KIF3C: variants seen among roughly 807,000 people sequenced by gnomAD.
The protein encoded by KIF3C is kinesin-like protein KIF3C.
In KIF3C, 12 loss-of-function variants were observed where a neutral mutation model predicts 67.7. The observed-to-expected ratio is 0.18, with a 90% CI of 0.11 to 0.29. KIF3C has a LOEUF of 0.29. Among genes scored for constraint, KIF3C ranks in the 10% least tolerant of loss-of-function variants. KIF3C has a pLI of 1.00. For missense variants in KIF3C, 789 were observed against 1,059.6 expected, an observed-to-expected ratio of 0.74 and a Z score of 3.55; for synonymous variants, 393 against 426.2, an observed-to-expected ratio of 0.92 and a Z score of 0.96.
chr2:25,974,499 C>A (rs1387488879), intron 1 of KIF3C, among the ~76,000 whole-genome samples: 1 of 152,146 alleles, frequency 6.6e-6, no homozygotes, highest in Non-Finnish European at 1.5e-5. Flanking sequence ...CTGCGCCTGG[C>A]CCTTGTTTAA....
chr2:25,934,177 G>A (rs1258341980), intron 5 of KIF3C: 1 of 470,846 alleles, frequency 2.1e-6, no homozygotes, highest in African/African-American at 2.0e-5. Flanking sequence ...TAAAGCCATA[G>A]AAACAGAAAG....
At chr2:25,932,003 GTT>G (rs775155142) in intron 5 of KIF3C, among the ~76,000 whole-genome samples, 4 of 96,158 alleles carry the variant, frequency 4.2e-5, no homozygotes, top group Admixed American at 3.6e-4. Context: ...CTTCTGTTTT[GTT>G]TTTTTTTTTT....
In KIF3C at chr2:25,932,007, T is replaced by TG. The variant is rs1472525445; in HGVS notation, c.2007-1945_2007-1944insC. ...GTGTGTTGTTTCTTCTGTTTTGTTT[T>TG]TTTTTTTTTTTTTTGGAAACGGAGT... is the stretch of plus-strand genomic sequence containing the variant. On this transcript the variant is annotated intron_variant, in intron 5 of 7. Coordinates refer to ENST00000264712, the MANE Select transcript of KIF3C (RefSeq NM_002254.8). Among the ~76,000 whole-genome samples, 5 of 148,538 alleles carry TG rather than the reference T, an allele frequency of 3.4e-5. No individual in the cohort carries two copies. In the East Asian group the frequency reaches 5.9e-4, roughly 17 times the overall value.
chr2:25,932,318 G>A (rs1283019733), intron 5 of KIF3C, among the ~76,000 whole-genome samples: 1 of 150,576 alleles, frequency 6.6e-6, no homozygotes, highest in Non-Finnish European at 1.5e-5. Context: ...TTAACTTTTA[G>A]TAGAGACAGG....
intron 1 of KIF3C, among the ~76,000 whole-genome samples, chr2:25,963,069 CACAT>C (rs1423900015): frequency 2.3e-5 from 2 of 85,214 alleles, no homozygotes; most frequent in African/African-American, 4.5e-5. Flanking sequence ...TATATATACA[CACAT>C]ACACACACAT....
chr2:25,938,467 C>T (rs1035192515), intron 5 of KIF3C: 3 of 342,316 alleles, frequency 8.8e-6, no homozygotes, highest in Non-Finnish European at 1.7e-5. Flanking sequence ...CTCAGGAGGA[C>T]ACTGGGCCAG....
chr2:25,957,769 C>T (rs1663843861), intron 1 of KIF3C, among the ~76,000 whole-genome samples: 1 of 152,182 alleles, frequency 6.6e-6, no homozygotes, highest in African/African-American at 2.4e-5. Context: ...GGCTTTGTCA[C>T]CCAAAGACGC....
intron 5 of KIF3C, among the ~76,000 whole-genome samples, chr2:25,945,859 C>G (rs1202844756): frequency 1.3e-5 from 2 of 152,176 alleles, no homozygotes; most frequent in African/African-American, 4.8e-5. Flanking sequence ...CCTGTAAATC[C>G]TAGCACTTTG....
intron 5 of KIF3C, among the ~76,000 whole-genome samples, chr2:25,950,890 T>C (rs1336062235): frequency 7.5e-6 from 1 of 132,834 alleles, no homozygotes; most frequent in East Asian, 1.9e-4. Context: ...TAAGCTATAG[T>C]TGTTAAAAAA....
rs537284639 is a variant in KIF3C at position 25,950,949 on chromosome 2, C to G, written c.2006+840G>C. Among the ~76,000 whole-genome samples the G allele has an allele frequency of 6.0e-5, 9 of 150,842 alleles. 1 individual carries two copies. The South Asian group carries it at 1.9e-3, about 32-fold the overall frequency. ...AGGAAGAAAGGAAAAAAAAAATAAC[C>G]AAGTAGGCATCTGATGCTTCAGTGA... On this transcript the variant is annotated intron_variant, in intron 5 of 7. Coordinates refer to ENST00000264712, the MANE Select transcript of KIF3C (RefSeq NM_002254.8).
intron 1 of KIF3C, among the ~76,000 whole-genome samples, chr2:25,969,102 G>C (rs1417073276): frequency 6.6e-6 from 1 of 152,194 alleles, no homozygotes; most frequent in Non-Finnish European, 1.5e-5. Context: ...GGGATTACAG[G>C]CGTGAGCCAC....
chr2:25,960,491 G>A (rs1178117975), intron 1 of KIF3C, among the ~76,000 whole-genome samples: 3 of 148,998 alleles, frequency 2.0e-5, no homozygotes, highest in Non-Finnish European at 3.0e-5. Context: ...ATCATTATTC[G>A]TTTACATGCT....
chr2:25,977,943 C>A (rs1335386392), intron 1 of KIF3C, among the ~76,000 whole-genome samples: 1 of 152,160 alleles, frequency 6.6e-6, no homozygotes. Context: ...GGTATGGAAT[C>A]ATTCCTGTTG....
rs573985216 is a variant in KIF3C at position 25,938,559 on chromosome 2, A to T, written c.2007-8496T>A. Among the ~76,000 whole-genome samples the T allele has an allele frequency of 4.6e-5, 7 of 152,258 alleles. No individual in the cohort carries two copies. The East Asian group carries it at 1.4e-3, about 29-fold the overall frequency. On this transcript the variant is annotated intron_variant, in intron 5 of 7. Coordinates refer to ENST00000264712, the MANE Select transcript of KIF3C (RefSeq NM_002254.8). ...GACAGGGCTGGGTGAGCAGAGGATC[A>T]GCGCAAATTGGCAGCCTGACCCAAT...
chr2:25,959,620 A>G (rs929489027), intron 1 of KIF3C, among the ~76,000 whole-genome samples: 2 of 151,978 alleles, frequency 1.3e-5, no homozygotes, highest in South Asian at 4.1e-4. Flanking sequence ...TTCTATTTTT[A>G]GTAGAGATGG....
At chr2:25,938,429 G>A (rs564764288) in intron 5 of KIF3C, 1 of 364,890 alleles carries the variant, frequency 2.7e-6, no homozygotes, top group African/African-American at 2.1e-5. Flanking sequence ...CAGGGTGGGG[G>A]TTCCCCCCAA....
intron 5 of KIF3C, among the ~76,000 whole-genome samples, chr2:25,931,813 T>G (rs1362398260): frequency 6.6e-6 from 1 of 151,894 alleles, no homozygotes; most frequent in Non-Finnish European, 1.5e-5. Context: ...AATTTTTGTA[T>G]TTTCAGTAGA....
intron 5 of KIF3C, among the ~76,000 whole-genome samples, chr2:25,940,006 CA>C (rs1219464863): frequency 6.6e-6 from 1 of 151,972 alleles, no homozygotes; most frequent in African/African-American, 2.4e-5. Context: ...GGCAGTTTAA[CA>C]AAAAATCAAC....
At position 25,954,812 on chromosome 2, in the gene KIF3C, C is replaced by T. The variant is rs1399444203; in HGVS notation, c.1771-427G>A. Among the ~76,000 whole-genome samples the T allele has an allele frequency of 2.0e-5, 3 of 152,188 alleles. No individual in the cohort carries two copies. In the South Asian group the frequency reaches 6.2e-4, roughly 31 times the overall value. ...CAGCTCAGGAAGCAGGAAGCCTGAA[C>T]GAGTTTGGAAGGTGACCCCTCCCAC... On this transcript the variant is annotated intron_variant, in intron 3 of 7. Transcript: ENST00000264712.
Sources: gnomAD v4.1 joint callset for allele counts (sites outside exome capture counted in the v4.1 genomes callset) on GRCh38, gnomAD v4.1.1 for gene constraint, MANE v1.5 for transcripts, NCBI Gene and HGNC (gene_info 2026-07-23, HGNC 2026-07-21) for gene names.